The following RORA variants were observed in gnomAD, a reference collection of about 807,000 sequenced individuals.
The protein encoded by RORA is RAR related orphan receptor A.
Under a neutral mutation model 69.5 loss-of-function variants are expected in RORA, and 7 were observed. That is an observed-to-expected ratio of 0.10 (90% confidence interval 0.06 to 0.19). RORA has a LOEUF of 0.19. RORA is among the 10% of genes least tolerant of loss of function. The probability of loss-of-function intolerance (pLI) is 1.00; values close to 1 mark genes in which losing one functional copy is unlikely to be tolerated. For missense variants in RORA, 457 were observed against 663.0 expected (o/e 0.69, Z 3.41); for synonymous variants, 261 against 240.8 (o/e 1.08, Z -0.78).
chr15:60,912,706 A>G (rs1328177283), intron 1 of RORA, among the ~76,000 whole-genome samples: 1 of 152,100 alleles, frequency 6.6e-6, no homozygotes, highest in Non-Finnish European at 1.5e-5. Context: ...GTGAGCCAAG[A>G]TCGTGCCACT....
intron 2 of RORA, among the ~76,000 whole-genome samples, chr15:60,600,438 C>T (rs563067868): frequency 6.6e-6 from 1 of 152,314 alleles, no homozygotes; most frequent in East Asian, 1.9e-4. Context: ...TTGATGCTCA[C>T]ATTTAAGCTC....
chr15:60,729,792 T>A (rs2071406463), intron 1 of RORA, among the ~76,000 whole-genome samples: 1 of 152,226 alleles, frequency 6.6e-6, no homozygotes, highest in Non-Finnish European at 1.5e-5. Context: ...AAATCTAAAA[T>A]ATGAAGTCTA....
At chr15:61,188,964 T>C (rs995840319) in intron 1 of RORA, among the ~76,000 whole-genome samples, 4 of 152,026 alleles carry the variant, frequency 2.6e-5, no homozygotes, top group Non-Finnish European at 4.4e-5. Context: ...GAAGAAAAAA[T>C]TGTGTAAGCT....
intron 1 of RORA, among the ~76,000 whole-genome samples, chr15:60,750,681 T>C (rs1408793080): frequency 2.6e-5 from 4 of 152,202 alleles, no homozygotes; most frequent in African/African-American, 9.6e-5. Context: ...CCATGGATAG[T>C]AATCTATTCC....
At chr15:60,763,687 C>T (rs2071935010) in intron 1 of RORA, among the ~76,000 whole-genome samples, 1 of 152,192 alleles carries the variant, frequency 6.6e-6, no homozygotes, top group South Asian at 2.1e-4. Flanking sequence ...CCCCAATTCT[C>T]CTGCCCAAAG....
intron 1 of RORA, among the ~76,000 whole-genome samples, chr15:60,883,425 A>G (rs900371133): frequency 2.6e-5 from 4 of 151,968 alleles, no homozygotes; most frequent in African/African-American, 7.2e-5. Context: ...GTTTAACCCC[A>G]AATATATGCA....
chr15:60,822,882 G>A (rs890805909), intron 1 of RORA, among the ~76,000 whole-genome samples: 2 of 152,178 alleles, frequency 1.3e-5, no homozygotes, highest in South Asian at 2.1e-4. Flanking sequence ...CAAGTGAAAT[G>A]TCTTCCATCC....
intron 2 of RORA, among the ~76,000 whole-genome samples, chr15:60,639,209 AG>A (rs770923651): frequency 6.8e-5 from 8 of 117,256 alleles, no homozygotes; most frequent in Non-Finnish European, 9.9e-5. Context: ...AACCATAAGC[AG>A]GTTTTTGTAT....
chr15:61,017,509 A>G (rs1895341278), intron 1 of RORA, among the ~76,000 whole-genome samples: 1 of 152,184 alleles, frequency 6.6e-6, no homozygotes, highest in South Asian at 2.1e-4. Context: ...CCAGTTTGCA[A>G]GCTTAAAAAA....
intron 1 of RORA, among the ~76,000 whole-genome samples, chr15:60,684,238 G>A (rs1227785115): frequency 6.6e-6 from 1 of 151,748 alleles, no homozygotes; most frequent in Non-Finnish European, 1.5e-5. Flanking sequence ...CAGCCTGTGT[G>A]TCTTCTTTTG....
At chr15:60,679,861 T>C (rs1375535222) in intron 1 of RORA, among the ~76,000 whole-genome samples, 1 of 152,212 alleles carries the variant, frequency 6.6e-6, no homozygotes, top group Non-Finnish European at 1.5e-5. Context: ...TGAAATTACA[T>C]AGCCCAACTC....
At chr15:61,127,258 G>A (rs1313125777) in intron 1 of RORA, among the ~76,000 whole-genome samples, 1 of 152,142 alleles carries the variant, frequency 6.6e-6, no homozygotes, top group Non-Finnish European at 1.5e-5. Context: ...TCTCATCATG[G>A]AGTAAGTTTA....
At chr15:60,736,043 G>A (rs558619819) in intron 1 of RORA, among the ~76,000 whole-genome samples, 52 of 152,250 alleles carry the variant, frequency 3.4e-4, no homozygotes, top group African/African-American at 8.9e-4. Context: ...ACTTTAAGGC[G>A]TCATCTAGGG....
intron 2 of RORA, among the ~76,000 whole-genome samples, chr15:60,568,073 G>C (rs1412499831): frequency 6.6e-6 from 1 of 152,168 alleles, no homozygotes; most frequent in East Asian, 1.9e-4. Flanking sequence ...AATCTCTCTA[G>C]ACACTGATAA....
chr15:60,927,769 G>A (rs552135097), intron 1 of RORA, among the ~76,000 whole-genome samples: 9 of 152,260 alleles, frequency 5.9e-5, no homozygotes, highest in African/African-American at 2.2e-4. Context: ...GGAAGACTCT[G>A]TCTCAAAACA....
At position 60,662,983 on chromosome 15, in the gene RORA, CAG is replaced by C. The variant is rs1252316874; in HGVS notation, c.196+15672_196+15673del. 2.0e-5 allele frequency among the ~76,000 whole-genome samples: 3 copies of C among 152,190 alleles called. No individual in the cohort carries two copies. The East Asian group carries it at 5.8e-4, about 29-fold the overall frequency. The stretch of plus-strand genomic sequence containing the variant: ...TTGCCCAAGGTTATGCCCTTAGGTG[CAG>C]CTGGCACCCAATGGCTGCCTGATGC... On this transcript the variant is annotated intron_variant, in intron 2 of 10. Coordinates refer to ENST00000335670, the MANE Select transcript of RORA (RefSeq NM_134261.3).
At chr15:61,150,125 A>G (rs890179162) in intron 1 of RORA, among the ~76,000 whole-genome samples, 2 of 152,220 alleles carry the variant, frequency 1.3e-5, no homozygotes, top group African/African-American at 4.8e-5. Context: ...CTTATAAATT[A>G]ACTCCCAAGC....
rs1400449515 is a variant in RORA at position 60,492,666 on chromosome 15, T to C, written c.*4789A>G. The stretch of plus-strand genomic sequence containing the variant: ...ATATATTTATCATGAATATTTTAAT[T>C]ATTAGAGAAATGGTAACTGGAATAT... On this transcript the variant is annotated 3_prime_UTR_variant, in exon 11 of 11. Coordinates refer to ENST00000335670, the MANE Select transcript of RORA (RefSeq NM_134261.3). 6.6e-6 allele frequency: 1 copy of C among 152,188 alleles called. No individual in the cohort carries two copies. The highest frequency in any genetic ancestry group is 1.5e-5 in the Non-Finnish European group (1 of 68,022). 9.4% of individuals were successfully genotyped at this position (152,188 alleles called of 1,614,324 possible). A position where few individuals can be genotyped will look rare whatever the true frequency, so the allele number is the denominator to read the frequency against.
chr15:60,652,144 G>A lies in RORA; in HGVS notation c.196+26513C>T, dbSNP rs2070152004. Among the ~76,000 whole-genome samples the A allele has an allele frequency of 2.0e-5, 3 of 151,746 alleles. No homozygotes were observed. The South Asian group carries it at 6.2e-4, about 32-fold the overall frequency. On this transcript the variant is annotated intron_variant, in intron 2 of 10. Coordinates refer to ENST00000335670, the MANE Select transcript of RORA (RefSeq NM_134261.3). Reference sequence around the variant, plus strand: ...TTTTTCCTCTAGAGTGAAAGGTTGGGTGACATATGGAAAGAACAAGAGACG... The same window carrying A: ...TTTTTCCTCTAGAGTGAAAGGTTGGATGACATATGGAAAGAACAAGAGACG...
Sources: gnomAD v4.1 joint callset for allele counts (sites outside exome capture counted in the v4.1 genomes callset) on GRCh38, gnomAD v4.1.1 for gene constraint, MANE v1.5 for transcripts, NCBI Gene and HGNC (gene_info 2026-07-23, HGNC 2026-07-21) for gene names.